ROBO2: variants seen among roughly 807,000 people sequenced by gnomAD.
ROBO2 encodes the protein roundabout homolog 2.
ROBO2 carries 53 observed loss-of-function variants against 160.8 expected under a neutral mutation model. The ratio of observed to expected loss-of-function variants is 0.33; its 90% confidence interval spans 0.26 to 0.41. The LOEUF is 0.41. Ranked by LOEUF, ROBO2 falls within the 10% of genes least tolerant of loss-of-function variation. The probability of loss-of-function intolerance (pLI) is 1.00; values close to 1 mark genes in which losing one functional copy is unlikely to be tolerated. For synonymous variants in ROBO2, 664 were observed against 611.7 expected (o/e 1.09, Z -1.26); for missense variants, 1,577 against 1,722.4 (o/e 0.92, Z 1.49).
intron 2 of ROBO2, among the ~76,000 whole-genome samples, chr3:76,529,992 G>A (rs2082140395): frequency 6.6e-6 from 1 of 152,062 alleles, no homozygotes; most frequent in African/African-American, 2.4e-5. Context: ...CCTGATCCTA[G>A]GACCTTCTAT....
At chr3:76,384,656 T>C (rs542170254) in intron 2 of ROBO2, among the ~76,000 whole-genome samples, 1 of 152,248 alleles carries the variant, frequency 6.6e-6, no homozygotes, top group South Asian at 2.1e-4. Flanking sequence ...CTTACAACCA[T>C]GGCAGAAGGG....
Position 77,268,624 on chromosome 3 carries a change from T to C in ROBO2, c.388+170284T>C, listed in dbSNP as rs149431031. Among the ~76,000 whole-genome samples the C allele has an allele frequency of 2.4e-3, 369 of 152,342 alleles. 2 individuals carry two copies. Among genetic ancestry groups the C allele is most frequent in the African/African-American group, 8.6e-3 (356 of 41,586 alleles). On this transcript the variant is annotated intron_variant, in intron 2 of 25. Coordinates refer to ENST00000461745, the Ensembl canonical transcript of ROBO2. ...GTAATGTGCACATCAGTACAATTTCTCTAATATTAGGAATACCAGTCAGTT... is the reference window on the plus strand; with the variant it reads ...GTAATGTGCACATCAGTACAATTTCCCTAATATTAGGAATACCAGTCAGTT...
At chr3:77,399,429 T>C (rs2075595709) in intron 2 of ROBO2, among the ~76,000 whole-genome samples, 1 of 152,198 alleles carries the variant, frequency 6.6e-6, no homozygotes, top group South Asian at 2.1e-4. Flanking sequence ...TATTTTTGTT[T>C]GGGTTTCTGT....
intron 2 of ROBO2, among the ~76,000 whole-genome samples, chr3:77,365,380 A>G (rs2153472372): frequency 6.6e-6 from 1 of 152,190 alleles, no homozygotes. Context: ...GGAGTTACTG[A>G]CAGCTATTTT....
chr3:76,664,527 G>A (rs2091948546), intron 2 of ROBO2, among the ~76,000 whole-genome samples: 1 of 152,204 alleles, frequency 6.6e-6, no homozygotes. Flanking sequence ...TGAGTATGGA[G>A]CTTGGGACAG....
chr3:76,307,089 T>C (rs1415985975), intron 2 of ROBO2, among the ~76,000 whole-genome samples: 1 of 152,216 alleles, frequency 6.6e-6, no homozygotes, highest in Non-Finnish European at 1.5e-5. Context: ...GCTACTCATC[T>C]ATAGGTTCCA....
intron 2 of ROBO2, among the ~76,000 whole-genome samples, chr3:77,136,645 T>TC (rs1244609936): frequency 2.0e-5 from 3 of 150,926 alleles, no homozygotes; most frequent in African/African-American, 7.3e-5. Context: ...CAATTAATTT[T>TC]TTTTTTTTTT....
At chr3:76,985,828 A>ATTTC (rs1454562227) in intron 2 of ROBO2, among the ~76,000 whole-genome samples, 3 of 152,108 alleles carry the variant, frequency 2.0e-5, no homozygotes, top group Non-Finnish European at 4.4e-5. Context: ...TGATGCCAGT[A>ATTTC]TTTCCTGAGG....
At chr3:76,482,619 T>C (rs1183901194) in intron 2 of ROBO2, among the ~76,000 whole-genome samples, 1 of 152,120 alleles carries the variant, frequency 6.6e-6, no homozygotes, top group Non-Finnish European at 1.5e-5. Flanking sequence ...TTAAGAAATG[T>C]CACTCTGATT....
At chr3:76,927,983 G>A (rs1018908863) in intron 2 of ROBO2, among the ~76,000 whole-genome samples, 1 of 152,168 alleles carries the variant, frequency 6.6e-6, no homozygotes, top group Non-Finnish European at 1.5e-5. Flanking sequence ...TTTTCACAGT[G>A]GTAGGCAGAA....
chr3:76,692,274 T>A (rs1274889287), intron 2 of ROBO2, among the ~76,000 whole-genome samples: 4 of 152,090 alleles, frequency 2.6e-5, no homozygotes, highest in Non-Finnish European at 5.9e-5. Context: ...TTTGGATTAG[T>A]ATATGAGAAG....
At chr3:77,577,595 G>C in exon 15 of ROBO2, 2 of 1,613,244 alleles carry the variant, frequency 1.2e-6, no homozygotes, top group Non-Finnish European at 1.7e-6. Flanking sequence ...CACCAGAATG[G>C]AATTATCCAA....
At chr3:76,545,303 C>T (rs1168399829) in intron 2 of ROBO2, among the ~76,000 whole-genome samples, 1 of 151,924 alleles carries the variant, frequency 6.6e-6, no homozygotes, top group Non-Finnish European at 1.5e-5. Context: ...CTATGTCGGA[C>T]AATCAAGTCC....
intron 2 of ROBO2, among the ~76,000 whole-genome samples, chr3:76,252,854 T>C (rs1189313251): frequency 6.6e-6 from 1 of 151,826 alleles, no homozygotes; most frequent in Non-Finnish European, 1.5e-5. Flanking sequence ...TTGTGAAGAC[T>C]GGCAAGTAGC....
chr3:77,580,170 T>G, intron 16 of ROBO2, 52 bp downstream of exon 17: 3 of 1,569,898 alleles, frequency 1.9e-6, no homozygotes, highest in Non-Finnish European at 1.8e-6. Flanking sequence ...GCTGACAAGG[T>G]GGATGATGAT....
chr3:77,348,198 G>C (rs2067887801), intron 2 of ROBO2, among the ~76,000 whole-genome samples: 1 of 152,130 alleles, frequency 6.6e-6, no homozygotes, highest in Non-Finnish European at 1.5e-5. Context: ...TATTAAGAAA[G>C]TAAAGGCTTT....
At chr3:76,147,941 C>T (rs2106816646) in intron 2 of ROBO2, among the ~76,000 whole-genome samples, 1 of 152,036 alleles carries the variant, frequency 6.6e-6, no homozygotes, top group East Asian at 1.9e-4. Flanking sequence ...TCATAATGTT[C>T]ACGTTGTTAT....
intron 2 of ROBO2, among the ~76,000 whole-genome samples, chr3:76,485,675 G>T (rs2079453725): frequency 6.6e-6 from 1 of 152,090 alleles, no homozygotes; most frequent in Admixed American, 6.6e-5. Context: ...TTTCTAAAAT[G>T]TTTCTCACAG....
At chr3:76,122,314 T>G (rs906354058) in intron 2 of ROBO2, among the ~76,000 whole-genome samples, 4 of 152,192 alleles carry the variant, frequency 2.6e-5, no homozygotes, top group African/African-American at 4.8e-5. Context: ...AACAAGATCA[T>G]ATTCTCAGAA....
Sources: allele counts gnomAD v4.1 joint callset (sites outside exome capture counted in the v4.1 genomes callset), GRCh38; gene constraint gnomAD v4.1.1; transcripts MANE v1.5; gene names NCBI Gene and HGNC (gene_info 2026-07-23, HGNC 2026-07-21).